Variants in ADCY8 observed in about 807,000 individuals in gnomAD.
ADCY8 encodes adenylate cyclase 8, also known as adenylate cyclase type 8.
ADCY8 carries 51 observed loss-of-function variants against 119.7 expected under a neutral mutation model. The observed-to-expected ratio is 0.43, with a 90% CI of 0.34 to 0.54. The LOEUF is 0.54. Among genes scored for constraint, ADCY8 ranks in the 20% least tolerant of loss-of-function variants. ADCY8 has a pLI of 0.03. For synonymous variants in ADCY8, 665 were observed against 651.0 expected (o/e 1.02, Z -0.33); for missense variants, 1,383 against 1,598.8 (o/e 0.87, Z 2.30).
intron 8 of ADCY8, among the ~76,000 whole-genome samples, chr8:130,882,942 C>A (rs1818833225): frequency 6.6e-6 from 1 of 152,006 alleles, no homozygotes; most frequent in Non-Finnish European, 1.5e-5. Flanking sequence ...ACTGGGGAAC[C>A]CATGCAATGC....
At chr8:130,858,256 T>C (rs1439889118) in intron 9 of ADCY8, among the ~76,000 whole-genome samples, 2 of 152,240 alleles carry the variant, frequency 1.3e-5, no homozygotes, top group African/African-American at 4.8e-5. Context: ...TTGGTCATTC[T>C]TTCTAAATCT....
Position 130,849,731 on chromosome 8 carries a change from T to G in ADCY8, c.2283A>C (p.Ala761=). 1 of 1,613,952 alleles carries G rather than the reference T, an allele frequency of 6.2e-7. No homozygotes were observed. The highest frequency in any genetic ancestry group is 1.3e-5 in the African/African-American group (1 of 75,032). ...LHSALVLITT[A]EDYKCLPLIL... ...TGAGGGGCAAACATTTATAATCCTC[T>G]GCTGTGGTGATGAGGACCAGAGCCG... The change falls in exon 10 of 18, where the codon GCA becomes GCC. Residue 761 remains alanine (A), a synonymous_variant. Coordinates refer to ENST00000286355, the MANE Select transcript of ADCY8 (RefSeq NM_001115.3).
intron 12 of ADCY8, among the ~76,000 whole-genome samples, chr8:130,829,387 T>C (rs1233873322): frequency 2.0e-5 from 3 of 151,644 alleles, no homozygotes; most frequent in Non-Finnish European, 2.9e-5. Context: ...TGGTATCATC[T>C]TTGTTTTAGA....
At chr8:131,038,921 T>C (rs1392816230) in intron 1 of ADCY8, among the ~76,000 whole-genome samples, 1 of 152,204 alleles carries the variant, frequency 6.6e-6, no homozygotes, top group Non-Finnish European at 1.5e-5. Context: ...TGAGGGTTTG[T>C]GGCTTAGAGA....
At chr8:130,913,335 A>AC (rs1340300813) in intron 5 of ADCY8, among the ~76,000 whole-genome samples, 2 of 150,734 alleles carry the variant, frequency 1.3e-5, no homozygotes, top group East Asian at 3.9e-4. Context: ...CTCCCTCCTA[A>AC]CCCCCCACTA....
intron 1 of ADCY8, among the ~76,000 whole-genome samples, chr8:131,015,469 G>A (rs1025036256): frequency 4.6e-5 from 7 of 152,138 alleles, no homozygotes; most frequent in Non-Finnish European, 1.0e-4. Context: ...AACATTTGCA[G>A]CAATTGCCTT....
intron 1 of ADCY8, among the ~76,000 whole-genome samples, chr8:131,023,507 T>A (rs1005380351): frequency 6.6e-6 from 1 of 152,180 alleles, no homozygotes; most frequent in Non-Finnish European, 1.5e-5. Flanking sequence ...CTTCCCTCCT[T>A]GCCCAACACA....
intron 8 of ADCY8, among the ~76,000 whole-genome samples, chr8:130,881,604 G>C (rs1435448): frequency 0.12 from 17,565 of 152,068 alleles, 1,198 homozygotes; most frequent in African/African-American, 0.19. Flanking sequence ...AGGGCAGTGG[G>C]AAGAGAAAAG....
At chr8:130,911,441 C>T (rs1480384322) in intron 5 of ADCY8, among the ~76,000 whole-genome samples, 1 of 152,122 alleles carries the variant, frequency 6.6e-6, no homozygotes, top group Non-Finnish European at 1.5e-5. Flanking sequence ...CTGATAGCCA[C>T]TGAAGCCTGG....
chr8:131,040,687 G>C lies in ADCY8; in HGVS notation c.-354C>G. 1 of 192,848 alleles carries C rather than the reference G, an allele frequency of 5.2e-6. No individual in the cohort carries two copies. Among genetic ancestry groups the C allele is most frequent in the Non-Finnish European group, 1.0e-5 (1 of 95,626 alleles). 11.9% of individuals were successfully genotyped at this position (192,848 alleles called of 1,614,324 possible). A position where few individuals can be genotyped will look rare whatever the true frequency, so the allele number is the denominator to read the frequency against. ...GGCTCCTTGGTTGATTCTAGGCTCA[G>C]CGTTTTGGCGCAGCCTTTGCTCTCC... On this transcript the variant is annotated 5_prime_UTR_variant, in exon 1 of 18. Transcript: ENST00000286355.
At position 130,990,555 on chromosome 8, in the gene ADCY8, C is replaced by T; in HGVS notation, c.961-13G>A. 1 of 1,611,336 alleles carries T rather than the reference C, an allele frequency of 6.2e-7. No individual in the cohort carries two copies. The highest frequency in any genetic ancestry group is 1.1e-5 in the South Asian group (1 of 90,756). ...CCTGGGCCACAACCTAAAATAAACA[C>T]AGTCTGGTCAGGCGCTTAAAACAAA... On this transcript the variant is annotated splice_polypyrimidine_tract_variant and intron_variant, in intron 1 of 17. Coordinates refer to ENST00000286355, the MANE Select transcript of ADCY8 (RefSeq NM_001115.3).
intron 8 of ADCY8, among the ~76,000 whole-genome samples, chr8:130,873,271 A>G (rs1206812541): frequency 6.6e-6 from 1 of 152,152 alleles, no homozygotes; most frequent in East Asian, 1.9e-4. Context: ...GAAGATGCTT[A>G]TAACTAAAAC....
intron 13 of ADCY8, among the ~76,000 whole-genome samples, chr8:130,816,427 C>CTTT (rs59803292): frequency 0.5 from 60,357 of 120,894 alleles, 16,396 homozygotes; most frequent in South Asian, 0.63. Flanking sequence ...ATTTTTTTTT[C>CTTT]TTTTTTTTTT....
chr8:130,811,348 C>A (rs1444883924), intron 14 of ADCY8, among the ~76,000 whole-genome samples: 1 of 152,130 alleles, frequency 6.6e-6, no homozygotes, highest in Non-Finnish European at 1.5e-5. Flanking sequence ...AACCCCAATG[C>A]TTTTAGGGGC....
At chr8:131,022,536 G>T (rs1823706640) in intron 1 of ADCY8, among the ~76,000 whole-genome samples, 1 of 152,118 alleles carries the variant, frequency 6.6e-6, no homozygotes, top group African/African-American at 2.4e-5. Context: ...TGGGCATTTG[G>T]ATTGGTCTTA....
intron 6 of ADCY8, among the ~76,000 whole-genome samples, chr8:130,905,907 T>C (rs145613760): frequency 8.1e-4 from 123 of 152,320 alleles, no homozygotes; most frequent in Non-Finnish European, 1.8e-4. Flanking sequence ...AGTTTACTTT[T>C]AGTATTAGCT....
intron 8 of ADCY8, among the ~76,000 whole-genome samples, chr8:130,868,795 G>T (rs1385467067): frequency 1.3e-5 from 2 of 152,152 alleles, no homozygotes; most frequent in Non-Finnish European, 2.9e-5. Flanking sequence ...TTATTTTTGG[G>T]GGATAGAAAA....
At chr8:130,918,214 G>C (rs1586569711) in intron 5 of ADCY8, among the ~76,000 whole-genome samples, 2 of 152,174 alleles carry the variant, frequency 1.3e-5, no homozygotes, top group East Asian at 3.8e-4. Flanking sequence ...TCTGGAGGCT[G>C]GGAAGTCTGA....
At position 130,780,891 on chromosome 8, in the gene ADCY8, C is replaced by A. The variant is rs1256685051; in HGVS notation, c.3269-14G>T. On this transcript the variant is annotated splice_polypyrimidine_tract_variant and intron_variant, in intron 17 of 17. Coordinates refer to ENST00000286355, the MANE Select transcript of ADCY8 (RefSeq NM_001115.3). Reference sequence around the variant, plus strand: ...CGTGGCTGATGCCTGGGGGGTGAAGCAAAGGAGCAAGAAGTCAGAGGGAGA... The same window carrying A: ...CGTGGCTGATGCCTGGGGGGTGAAGAAAAGGAGCAAGAAGTCAGAGGGAGA... 3 of 1,610,628 alleles carry A rather than the reference C, an allele frequency of 1.9e-6. No individual in the cohort carries two copies. The highest frequency in any genetic ancestry group is 2.5e-6 in the Non-Finnish European group (3 of 1,177,502).
Sources: allele counts gnomAD v4.1 joint callset (sites outside exome capture counted in the v4.1 genomes callset), GRCh38; gene constraint gnomAD v4.1.1; transcripts MANE v1.5; gene names NCBI Gene and HGNC (gene_info 2026-07-23, HGNC 2026-07-21).